Variants in REPS2 observed in about 807,000 individuals in gnomAD.
The protein encoded by REPS2 is ralBP1-associated Eps domain-containing protein 2.
Under a neutral mutation model 53.6 loss-of-function variants are expected in REPS2, and 23 were observed. The ratio of observed to expected loss-of-function variants is 0.43; its 90% CI spans 0.31 to 0.61. The LOEUF (loss-of-function observed/expected upper bound fraction) is 0.61. Ranked by LOEUF, REPS2 falls within the 20% of genes least tolerant of loss-of-function variation. The pLI, the probability that REPS2 is intolerant of heterozygous loss-of-function variation, is 0.11. For synonymous variants in REPS2, 238 were observed against 218.6 expected (o/e 1.09, Z -0.78); for missense variants, 446 against 534.9 (o/e 0.83, Z 1.64).
intron 1 of REPS2, among the ~76,000 whole-genome samples, chrX:16,965,368 C>A (rs1482651200): frequency 1.0e-3 from 98 of 97,329 alleles, no homozygotes; most frequent in African/African-American, 1.5e-3. Context: ...GGGGGGCTGA[C>A]CCCCCCACCT....
chrX:17,100,552 C>T (rs2062776794), intron 13 of REPS2, among the ~76,000 whole-genome samples: 1 of 112,416 alleles, frequency 8.9e-6, no homozygotes, highest in Admixed American at 9.3e-5. Context: ...CCACTGCCTG[C>T]ACCGCCTTCA....
chrX:17,120,091 G>T (rs2063122613), intron 14 of REPS2, among the ~76,000 whole-genome samples: 1 of 110,942 alleles, frequency 9.0e-6, no homozygotes, highest in Non-Finnish European at 1.9e-5. Context: ...TGGCCAGGCT[G>T]GTCTGGAACT....
At chrX:17,168,713 G>A in the REPS2 span, among the ~76,000 whole-genome samples, 1 of 112,284 alleles carries the variant, frequency 8.9e-6, no homozygotes, top group Non-Finnish European at 1.9e-5. Context: ...AGAAGCCATT[G>A]TGGATTCAGA....
At chrX:17,132,551 T>C (rs777334725) in intron 14 of REPS2, among the ~76,000 whole-genome samples, 9 of 112,862 alleles carry the variant, frequency 8.0e-5, no homozygotes, top group African/African-American at 2.3e-4. Context: ...TTTTTTTCTT[T>C]CCTGAGACGA....
At chrX:16,978,122 A>G (rs1411217369) in intron 1 of REPS2, among the ~76,000 whole-genome samples, 1 of 111,869 alleles carries the variant, frequency 8.9e-6, no homozygotes, top group Non-Finnish European at 1.9e-5. Flanking sequence ...TACTGGTACA[A>G]ATATTTAGTA....
Position 16,975,932 on chromosome X carries a change from A to G in REPS2, c.273+28798A>G, listed in dbSNP as rs144565253. Among the ~76,000 whole-genome samples, 99 of 112,280 alleles carry G rather than the reference A, an allele frequency of 8.8e-4. No individual in the cohort carries two copies. The East Asian group carries it at 0.018, about 21-fold the overall frequency. On this transcript the variant is annotated intron_variant, in intron 1 of 17. Coordinates refer to ENST00000357277, the MANE Select transcript of REPS2 (RefSeq NM_004726.3). Reference sequence around the variant, plus strand: ...CTTTAAAAAATTTAATTTAAAGTTCACTATAAAACTTACCATTTTAACCAT... The same window carrying G: ...CTTTAAAAAATTTAATTTAAAGTTCGCTATAAAACTTACCATTTTAACCAT...
chrX:17,035,530 C>T (rs1401298901), intron 5 of REPS2, among the ~76,000 whole-genome samples: 3 of 110,827 alleles, frequency 2.7e-5, no homozygotes, highest in Non-Finnish European at 3.8e-5. Context: ...AGGTCAGGCC[C>T]GCCCGGATTC....
At chrX:17,012,740 C>A (rs1406026272) in intron 2 of REPS2, among the ~76,000 whole-genome samples, 1 of 111,414 alleles carries the variant, frequency 9.0e-6, no homozygotes, top group Non-Finnish European at 1.9e-5. Flanking sequence ...ATTTATAAAG[C>A]TAAATGTATT....
chrX:17,062,964 A>G (rs755323826), intron 9 of REPS2, among the ~76,000 whole-genome samples: 1 of 111,904 alleles, frequency 8.9e-6, no homozygotes, highest in Admixed American at 9.5e-5. Flanking sequence ...TGAGAACTTT[A>G]TATGAGGGCC....
intron 1 of REPS2, among the ~76,000 whole-genome samples, chrX:16,950,783 G>A (rs925560975): frequency 4.4e-5 from 5 of 112,869 alleles, no homozygotes; most frequent in Middle Eastern, 4.6e-3. Context: ...GTGCTGTGGC[G>A]CACGCCTGTA....
At chrX:17,118,298 T>A (rs2063091871) in intron 14 of REPS2, among the ~76,000 whole-genome samples, 1 of 110,341 alleles carries the variant, frequency 9.1e-6, no homozygotes, top group Non-Finnish European at 1.9e-5. Flanking sequence ...GACATTTAAA[T>A]CCCTGTTATT....
the REPS2 span, among the ~76,000 whole-genome samples, chrX:17,167,984 G>T: frequency 2.7e-5 from 3 of 111,483 alleles, no homozygotes; most frequent in Admixed American, 2.9e-4. Flanking sequence ...AGATATCAGG[G>T]AAATTATACC....
intron 1 of REPS2, among the ~76,000 whole-genome samples, chrX:16,973,794 A>G (rs940884056): frequency 1.8e-5 from 2 of 109,092 alleles, no homozygotes; most frequent in Non-Finnish European, 3.8e-5. Flanking sequence ...TATTTTATAT[A>G]TATTTTATAT....
intron 13 of REPS2, among the ~76,000 whole-genome samples, chrX:17,093,200 A>ATATATAT (rs61196590): frequency 8.3e-4 from 13 of 15,610 alleles, no homozygotes; most frequent in Non-Finnish European, 1.1e-3. Flanking sequence ...ATATATATAT[A>ATATATAT]ATTTTTTTTT....
the REPS2 span, among the ~76,000 whole-genome samples, chrX:17,178,412 C>T: frequency 8.9e-6 from 1 of 112,203 alleles, no homozygotes; most frequent in Non-Finnish European, 1.9e-5. Context: ...AGCTGAGATG[C>T]TTTTCCTTTC....
chrX:17,046,616 A>G (rs1437640290), intron 5 of REPS2, among the ~76,000 whole-genome samples: 1 of 112,099 alleles, frequency 8.9e-6, no homozygotes, highest in East Asian at 2.8e-4. Flanking sequence ...TTCGTCTGCC[A>G]ATGCCTACCA....
At chrX:17,011,558 A>T (rs752652945) in intron 2 of REPS2, among the ~76,000 whole-genome samples, 4 of 112,227 alleles carry the variant, frequency 3.6e-5, no homozygotes, top group Non-Finnish European at 7.5e-5. Flanking sequence ...AAGACATAAG[A>T]TTATAATGGA....
At chrX:17,101,178 C>T (rs1160115436) in intron 13 of REPS2, among the ~76,000 whole-genome samples, 1 of 107,891 alleles carries the variant, frequency 9.3e-6, no homozygotes, top group Non-Finnish European at 1.9e-5. Context: ...CTCAGCCTCC[C>T]AAATAGCTGG....
At chrX:17,135,159 T>C in intron 15 of REPS2, 102 bp from the exon 16 acceptor site, 1 of 870,628 alleles carries the variant, frequency 1.1e-6, no homozygotes. Context: ...ACCCTCCTGA[T>C]CTTGGGGTTG....
Sources: gnomAD v4.1 joint callset for allele counts (sites outside exome capture counted in the v4.1 genomes callset) on GRCh38, gnomAD v4.1.1 for gene constraint, MANE v1.5 for transcripts, NCBI Gene and HGNC (gene_info 2026-07-23, HGNC 2026-07-21) for gene names.